The following FGGY variants were observed in gnomAD, a reference collection of about 807,000 sequenced individuals.
FGGY encodes FGGY carbohydrate kinase domain-containing protein.
Under a neutral mutation model 71.3 loss-of-function variants are expected in FGGY, and 72 were observed. The ratio of observed to expected loss-of-function variants is 1.01; its 90% confidence interval spans 0.84 to 1.23. The LOEUF is 1.23. Among genes scored for constraint, FGGY ranks in the 50% most tolerant of loss-of-function variants. The pLI, the probability that FGGY is intolerant of heterozygous loss-of-function variation, is 0.00. For missense variants in FGGY, 668 were observed against 682.3 expected, an observed-to-expected ratio of 0.98 and a Z score of 0.23; for synonymous variants, 251 against 250.3, an observed-to-expected ratio of 1.00 and a Z score of -0.02.
intron 6 of FGGY, among the ~76,000 whole-genome samples, chr1:59,458,166 A>G (rs968750650): frequency 1.3e-5 from 2 of 152,250 alleles, no homozygotes; most frequent in African/African-American, 4.8e-5. Context: ...TGTAAAATGT[A>G]TATGCCCTCC....
In FGGY at chr1:59,589,715, A is replaced by G. The variant is rs190700386; in HGVS notation, c.904-18088A>G. The stretch of plus-strand genomic sequence containing the variant: ...GGGTACATAATGAAATGAAGGCAGT[A>G]ATAAAGGTGTTCATTGAAACCAACG... On this transcript the variant is annotated intron_variant, in intron 8 of 15. Coordinates refer to ENST00000303721, the MANE Select transcript of FGGY (RefSeq NM_018291.5). Among the ~76,000 whole-genome samples the G allele has an allele frequency of 4.0e-3, 614 of 152,364 alleles. 2 individuals carry two copies. Among genetic ancestry groups the G allele is most frequent in the African/African-American group, 0.013 (550 of 41,586 alleles).
chr1:59,511,614 T>G (rs931468592), intron 6 of FGGY, among the ~76,000 whole-genome samples: 2 of 151,778 alleles, frequency 1.3e-5, no homozygotes, highest in African/African-American at 4.9e-5. Context: ...AGCAAGACAA[T>G]CAATTCTTAA....
intron 4 of FGGY, among the ~76,000 whole-genome samples, chr1:59,372,086 GAC>G (rs2057754170): frequency 6.6e-6 from 1 of 152,094 alleles, no homozygotes; most frequent in African/African-American, 2.4e-5. Flanking sequence ...GATAAATCGA[GAC>G]ACAAAAAACC....
rs202199484 is a variant in FGGY at position 59,674,059 on chromosome 1, C to G, written c.1438C>G (p.Gln480Glu). 3 of 1,613,738 alleles carry G rather than the reference C, an allele frequency of 1.9e-6. No individual in the cohort carries two copies. The African/African-American group carries it at 4.0e-5, about 22-fold the overall frequency. ...DITGMPVVLS[Q>E]EVESVLVGAA... is the part of the protein sequence containing the mutation. Reference sequence around the variant, plus strand: ...CGCAGGCATGCCTGTGGTCCTGTCGCAAGAGGTGGAGTCCGTTCTTGTGGG... The same window carrying G: ...CGCAGGCATGCCTGTGGTCCTGTCGGAAGAGGTGGAGTCCGTTCTTGTGGG... Residue 480 changes from glutamine to glutamate, a missense_variant, in exon 14 of 16, where the codon CAA becomes GAA. Transcript: ENST00000303721.
chr1:59,482,872 T>G (rs999350551), intron 6 of FGGY, among the ~76,000 whole-genome samples: 7 of 152,174 alleles, frequency 4.6e-5, no homozygotes, highest in African/African-American at 1.4e-4. Flanking sequence ...ATTTCCTTTT[T>G]GGGCCCCATT....
At chr1:59,388,886 T>C (rs1433300425) in intron 5 of FGGY, among the ~76,000 whole-genome samples, 2 of 152,164 alleles carry the variant, frequency 1.3e-5, no homozygotes, top group Non-Finnish European at 2.9e-5. Context: ...TTTCTAAAAC[T>C]TATTTATCAC....
At chr1:59,354,496 A>C (rs568721870) in intron 4 of FGGY, among the ~76,000 whole-genome samples, 1 of 152,350 alleles carries the variant, frequency 6.6e-6, no homozygotes, top group East Asian at 1.9e-4. Flanking sequence ...TCACATCCAG[A>C]GTACGGGCTT....
intron 10 of FGGY, among the ~76,000 whole-genome samples, chr1:59,629,092 G>T (rs1351767008): frequency 6.6e-6 from 1 of 152,104 alleles, no homozygotes; most frequent in Admixed American, 6.6e-5. Context: ...GGGAGGGATA[G>T]CATTAGGAGA....
At chr1:59,570,084 C>G (rs1418827433) in intron 8 of FGGY, among the ~76,000 whole-genome samples, 1 of 152,158 alleles carries the variant, frequency 6.6e-6, no homozygotes, top group East Asian at 1.9e-4. Context: ...TTAATGTGCA[C>G]AAAATATACC....
intron 8 of FGGY, among the ~76,000 whole-genome samples, chr1:59,585,587 C>G (rs9436180): frequency 2.0e-5 from 3 of 151,916 alleles, no homozygotes; most frequent in Non-Finnish European, 1.5e-5. Context: ...ACCTAGGCAT[C>G]ACCATTCAGG....
chr1:59,443,415 T>C (rs1232230004), intron 5 of FGGY, among the ~76,000 whole-genome samples: 4 of 152,218 alleles, frequency 2.6e-5, no homozygotes, highest in Admixed American at 2.0e-4. Flanking sequence ...GATGACCATA[T>C]ATTAATATGA....
At chr1:59,351,276 C>T (rs933335292) in intron 4 of FGGY, among the ~76,000 whole-genome samples, 3 of 152,112 alleles carry the variant, frequency 2.0e-5, no homozygotes, top group East Asian at 1.9e-4. Flanking sequence ...AAAAGTTTGC[C>T]GACCCCTGGT....
At chr1:59,756,740 C>A (rs1000090049) in intron 14 of FGGY, among the ~76,000 whole-genome samples, 2 of 152,064 alleles carry the variant, frequency 1.3e-5, no homozygotes, top group Non-Finnish European at 2.9e-5. Flanking sequence ...AGGCAGACAA[C>A]GAACACATAA....
At chr1:59,633,078 T>A (rs2096923404) in intron 10 of FGGY, among the ~76,000 whole-genome samples, 1 of 150,092 alleles carries the variant, frequency 6.7e-6, no homozygotes. Flanking sequence ...TGGCACTATC[T>A]CAGCTCACTG....
chr1:59,566,978 T>A (rs992473425), intron 8 of FGGY, among the ~76,000 whole-genome samples: 2 of 152,188 alleles, frequency 1.3e-5, no homozygotes, highest in Admixed American at 6.5e-5. Flanking sequence ...TACATTGCCA[T>A]TTACTTGTAT....
In FGGY at chr1:59,512,383, T is replaced by G; in HGVS notation, c.743T>G (p.Leu248Arg). The G allele has an allele frequency of 1.9e-6, 3 of 1,613,866 alleles. No homozygotes were observed. The highest frequency in any genetic ancestry group is 2.5e-6 in the Non-Finnish European group (3 of 1,179,834). ...CCAGAGGCAGCAAGAGACCTTGGCC[T>G]TCTCCCTGGGATTGCGGTCGCAGCT... ...LTPEAARDLGLLPGIAVAASL... is the reference protein window; with the variant it reads ...LTPEAARDLGRLPGIAVAASL... Residue 248 changes from leucine (L) to arginine (R), a missense_variant, in exon 7 of 16, where the codon CTT (leucine) becomes CGT (arginine). Coordinates refer to ENST00000303721, the MANE Select transcript of FGGY (RefSeq NM_018291.5).
intron 5 of FGGY, among the ~76,000 whole-genome samples, chr1:59,446,363 C>T (rs572303246): frequency 6.6e-5 from 10 of 152,212 alleles, no homozygotes; most frequent in South Asian, 2.1e-4. Context: ...ATCATGTTAT[C>T]GGCAAGTCTG....
chr1:59,503,594 C>CATATATATATATATATATATAT (rs71046332), intron 6 of FGGY, among the ~76,000 whole-genome samples: 154 of 127,634 alleles, frequency 1.2e-3, no homozygotes, highest in African/African-American at 3.4e-3. Context: ...GTGGTGTCGC[C>CATATATATATATATATATATAT]ATATATATAT....
intron 6 of FGGY, among the ~76,000 whole-genome samples, chr1:59,509,902 A>G (rs1216462929): frequency 6.6e-6 from 1 of 152,098 alleles, no homozygotes; most frequent in South Asian, 2.1e-4. Context: ...TAAAAATTAC[A>G]CCTTTTATGT....
Sources: gnomAD v4.1 joint callset for allele counts (sites outside exome capture counted in the v4.1 genomes callset) on GRCh38, gnomAD v4.1.1 for gene constraint, MANE v1.5 for transcripts, NCBI Gene and HGNC (gene_info 2026-07-23, HGNC 2026-07-21) for gene names.